Variants in PAK4 observed in about 807,000 individuals in gnomAD.
PAK4 encodes the protein serine/threonine-protein kinase PAK 4.
In PAK4, 49 loss-of-function variants were observed where a neutral mutation model predicts 53.5. That is an observed-to-expected ratio of 0.92 (90% CI 0.73 to 1.16). The LOEUF is 1.16. PAK4 is among the 50% of genes most tolerant of loss of function. The pLI is 0.00. For synonymous variants in PAK4, 376 were observed against 375.6 expected, an observed-to-expected ratio of 1.00 and a Z score of -0.01; for missense variants, 824 against 850.7, an observed-to-expected ratio of 0.97 and a Z score of 0.39.
rs554166229 is a variant in PAK4 at position 39,172,484 on chromosome 19, G to T, written c.205-434G>T. On this transcript the variant is annotated intron_variant, in intron 2 of 8. Transcript: ENST00000358301. ...TGGGAGCAGAGAGTGTGGTTTTGGGGCTAAGGAACACTGGCGCCCACATGG... is the reference window on the plus strand; with the variant it reads ...TGGGAGCAGAGAGTGTGGTTTTGGGTCTAAGGAACACTGGCGCCCACATGG... 7.2e-5 allele frequency among the ~76,000 whole-genome samples: 11 copies of T among 152,212 alleles called. No individual in the cohort carries two copies. In the South Asian group the frequency reaches 2.3e-3, roughly 32 times the overall value.
At position 39,178,202 on chromosome 19, in the gene PAK4, G is replaced by C. The variant is rs1404298049; in HGVS notation, c.1621-222G>C. ...AAATAGGGAGTACATGAGCCCCCAGGGTTTGTCACTTCCTCTGGGGCCACA... is the reference window on the plus strand; with the variant it reads ...AAATAGGGAGTACATGAGCCCCCAGCGTTTGTCACTTCCTCTGGGGCCACA... On this transcript the variant is annotated intron_variant, in intron 8 of 8. Transcript: ENST00000358301. This position sits in a 1 kb window ranked among gnomAD's most constrained non-coding sequence, Gnocchi z 4.4. Among the ~76,000 whole-genome samples, 2 of 152,094 alleles carry C rather than the reference G, an allele frequency of 1.3e-5. No homozygotes were observed. The highest frequency in any genetic ancestry group is 2.4e-5 in the African/African-American group (1 of 41,408).
chr19:39,177,668 G>T lies in PAK4; in HGVS notation c.1486-7G>T. 2 of 1,610,610 alleles carry T rather than the reference G, an allele frequency of 1.2e-6. No homozygotes were observed. Among genetic ancestry groups the T allele is most frequent in the Non-Finnish European group, 8.5e-7 (1 of 1,177,870 alleles). ...GCTCAGCCCTGCTGTCCCTTCTCCC[G>T]CCCCAGGTAGACATCTGGTCGCTGG... On this transcript the variant is annotated splice_polypyrimidine_tract_variant and splice_region_variant and intron_variant, in intron 7 of 8. Transcript: ENST00000358301.
intron 1 of PAK4, among the ~76,000 whole-genome samples, chr19:39,127,443 C>T (rs1334617258): frequency 2.0e-5 from 3 of 152,100 alleles, no homozygotes; most frequent in Non-Finnish European, 2.9e-5. Context: ...TTGCTGCAGG[C>T]TCTTTTTCTC....
At chr19:39,176,287 C>G (rs79000413) in intron 6 of PAK4, among the ~76,000 whole-genome samples, 1 of 152,346 alleles carries the variant, frequency 6.6e-6, no homozygotes, top group East Asian at 1.9e-4. Flanking sequence ...CACCCCTGTT[C>G]CCAGCTCCGG....
At position 39,173,033 on chromosome 19, in the gene PAK4, C is replaced by T. The variant is rs760958606; in HGVS notation, c.320C>T (p.Pro107Leu). Reference sequence around the variant, plus strand: ...TCCCTGCGGAGAGACAGCCCGCCGCCGCCCGCCCGTGCCCGCCAGGAAAAT... The same window carrying T: ...TCCCTGCGGAGAGACAGCCCGCCGCTGCCCGCCCGTGCCCGCCAGGAAAAT... The change falls in exon 3 of 9, where the codon CCG (proline) becomes CTG (leucine). Residue 107 changes from proline to leucine, a missense_variant. Pro to Leu is a moderately conservative substitution (Grantham distance 98). Coordinates refer to ENST00000358301, the Ensembl canonical transcript of PAK4. This position sits in a 1 kb window ranked among gnomAD's most constrained non-coding sequence, Gnocchi z 6.9. 48 of 1,549,024 alleles carry T rather than the reference C, an allele frequency of 3.1e-5. No individual in the cohort carries two copies. Among genetic ancestry groups the T allele is most frequent in the East Asian group, 2.2e-4 (9 of 40,928 alleles).
At position 39,178,151 on chromosome 19, in the gene PAK4, G is replaced by C. The variant is rs2144890767; in HGVS notation, c.1621-273G>C. Reference sequence around the variant, plus strand: ...AAAGGGGCACCTCTGGGCCCCAGTTGCTTTCAGCTTCTTGCTAAACCATGG... The same window carrying C: ...AAAGGGGCACCTCTGGGCCCCAGTTCCTTTCAGCTTCTTGCTAAACCATGG... On this transcript the variant is annotated intron_variant, in intron 8 of 8. Coordinates refer to ENST00000358301, the Ensembl canonical transcript of PAK4. The surrounding 1 kb of genome is among the most constrained non-coding windows in gnomAD (Gnocchi z 4.4). Among the ~76,000 whole-genome samples the C allele has an allele frequency of 6.6e-6, 1 of 152,258 alleles. No individual in the cohort carries two copies. The highest frequency in any genetic ancestry group is 3.4e-3 in the Middle Eastern group (1 of 294).
At chr19:39,130,603 C>T (rs1429154516) in intron 1 of PAK4, among the ~76,000 whole-genome samples, 1 of 151,956 alleles carries the variant, frequency 6.6e-6, no homozygotes, top group African/African-American at 2.4e-5. Context: ...ATGCTGTGCA[C>T]CCTGACTGTG....
chr19:39,127,518 GT>G (rs1468280577), intron 1 of PAK4, among the ~76,000 whole-genome samples: 1 of 152,124 alleles, frequency 6.6e-6, no homozygotes, highest in Non-Finnish European at 1.5e-5. Flanking sequence ...GAATTGCTCT[GT>G]GGGGTTCCTT....
chr19:39,182,679 CGTG>C, downstream of PAK4: 1 of 151,548 alleles, frequency 6.6e-6, no homozygotes, highest in Non-Finnish European at 1.5e-5. Context: ...ATTAGCCGGG[CGTG>C]GTGGTGGGCG....
intron 1 of PAK4, among the ~76,000 whole-genome samples, chr19:39,131,083 G>A (rs1470718154): frequency 1.3e-5 from 2 of 152,094 alleles, no homozygotes; most frequent in African/African-American, 4.8e-5. Context: ...CTAGAGATGA[G>A]AAAGGAGGCC....
chr19:39,126,333 G>C (rs1313287873), intron 1 of PAK4, among the ~76,000 whole-genome samples: 1 of 151,570 alleles, frequency 6.6e-6, no homozygotes, highest in Non-Finnish European at 1.5e-5. Flanking sequence ...GCGTCTTTTA[G>C]GGGTTCAAAG....
intron 1 of PAK4, among the ~76,000 whole-genome samples, chr19:39,134,228 C>G (rs978640446): frequency 1.3e-5 from 2 of 152,168 alleles, no homozygotes; most frequent in African/African-American, 2.4e-5. Flanking sequence ...TATAATATGC[C>G]CATAGAAAAG....
At position 39,174,816 on chromosome 19, in the gene PAK4, C is replaced by T; in HGVS notation, c.1099-115C>T. 3 of 1,244,858 alleles carry T rather than the reference C, an allele frequency of 2.4e-6. No homozygotes were observed. In the South Asian group the frequency reaches 4.0e-5, roughly 17 times the overall value. 77.1% of individuals were successfully genotyped at this position (1,244,858 alleles called of 1,614,324 possible). A position where few individuals can be genotyped will look rare whatever the true frequency, so the allele number is the denominator to read the frequency against. On this transcript the variant is annotated intron_variant, in intron 4 of 8. Coordinates refer to ENST00000358301, the Ensembl canonical transcript of PAK4. ...TAGGGGAGGGCAGTCCAGGTGGCCCCAGTGAGCACAAGCTTAATGTGGAAC... is the reference window on the plus strand; with the variant it reads ...TAGGGGAGGGCAGTCCAGGTGGCCCTAGTGAGCACAAGCTTAATGTGGAAC...
intron 1 of PAK4, among the ~76,000 whole-genome samples, chr19:39,141,127 C>T (rs1168614568): frequency 1.3e-5 from 2 of 152,152 alleles, no homozygotes; most frequent in Non-Finnish European, 2.9e-5. Flanking sequence ...AGAATAGTCT[C>T]GCGCCCTCCT....
At chr19:39,136,125 G>A (rs1318572591) in intron 1 of PAK4, among the ~76,000 whole-genome samples, 2 of 107,370 alleles carry the variant, frequency 1.9e-5, no homozygotes, top group Non-Finnish European at 3.5e-5. Flanking sequence ...CCCCTTCCTC[G>A]TTACCCCCCT....
chr19:39,152,539 G>C (rs1436066361), intron 1 of PAK4: 1 of 152,148 alleles, frequency 6.6e-6, no homozygotes, highest in East Asian at 1.9e-4. Context: ...AAAAAAAATT[G>C]TATGCTAAGG....
chr19:39,131,618 G>C (rs2073712645), intron 1 of PAK4, among the ~76,000 whole-genome samples: 1 of 152,200 alleles, frequency 6.6e-6, no homozygotes, highest in Non-Finnish European at 1.5e-5. Context: ...GGGTGAGAAG[G>C]GGAACACTCT....
chr19:39,157,361 A>G (rs944825659), intron 1 of PAK4, among the ~76,000 whole-genome samples: 3 of 151,894 alleles, frequency 2.0e-5, no homozygotes, highest in African/African-American at 4.8e-5. Context: ...CTGTGTATCT[A>G]TGTGTGGATC....
At chr19:39,169,620 A>C in exon 2 of PAK4, 1 of 1,613,772 alleles carries the variant, frequency 6.2e-7, no homozygotes, top group Non-Finnish European at 8.5e-7. Context: ...CCGCGTGCAC[A>C]CGGGCTTCGA....
Sources: allele counts gnomAD v4.1 joint callset (sites outside exome capture counted in the v4.1 genomes callset), GRCh38; gene constraint gnomAD v4.1.1; non-coding constraint Gnocchi (gnomAD v3.1); transcripts MANE v1.5; gene names NCBI Gene and HGNC (gene_info 2026-07-23, HGNC 2026-07-21).